The following PIK3R6 variants were observed in gnomAD, a reference collection of about 807,000 sequenced individuals.
The protein encoded by PIK3R6 is phosphoinositide-3-kinase regulatory subunit 6.
In PIK3R6, 91 loss-of-function variants were observed where a neutral mutation model predicts 84.9. The ratio of observed to expected loss-of-function variants is 1.07; its 90% CI spans 0.90 to 1.28. The LOEUF (loss-of-function observed/expected upper bound fraction) is 1.28. Ranked by LOEUF, PIK3R6 falls within the 50% of genes most tolerant of loss-of-function variation. The pLI, the probability that PIK3R6 is intolerant of heterozygous loss-of-function variation, is 0.00. For synonymous variants in PIK3R6, 416 were observed against 411.4 expected, an observed-to-expected ratio of 1.01 and a Z score of -0.13; for missense variants, 996 against 985.1, an observed-to-expected ratio of 1.01 and a Z score of -0.15.
intron 18 of PIK3R6, among the ~76,000 whole-genome samples, chr17:8,814,646 T>C (rs1378354690): frequency 2.0e-5 from 3 of 151,610 alleles, no homozygotes; most frequent in South Asian, 2.1e-4. Context: ...AGAAGGACAA[T>C]GGGAGAAAAA....
Position 8,821,852 on chromosome 17 carries a change from T to A in PIK3R6, c.1873A>T (p.Thr625Ser). 6.3e-7 allele frequency: 1 copy of A among 1,593,702 alleles called. No individual in the cohort carries two copies. ...LILKAIPASDTEVSGSSHCPL... is the reference protein window; with the variant it reads ...LILKAIPASDSEVSGSSHCPL... The stretch of plus-strand genomic sequence containing the variant: ...TGCATTCCCCATTCCTCACCTTCTG[T>A]GTCGCTGGCTGGAATGGCCTTCAGG... The change falls in exon 17 of 20, where the codon ACA (threonine) becomes TCA (serine). Residue 625 changes from threonine to serine, a missense_variant. Transcript: ENST00000619866.
At chr17:8,857,856 T>A (rs1363759457) in intron 1 of PIK3R6, among the ~76,000 whole-genome samples, 1 of 147,822 alleles carries the variant, frequency 6.8e-6, no homozygotes, top group Non-Finnish European at 1.5e-5. Context: ...GCTGCAATCG[T>A]GCCACTGCAC....
chr17:8,805,905 G>C (rs2151167301), intron 18 of PIK3R6, among the ~76,000 whole-genome samples: 1 of 151,256 alleles, frequency 6.6e-6, no homozygotes, highest in East Asian at 1.9e-4. Flanking sequence ...GCAACAGAAT[G>C]AGACTCTGTC....
At chr17:8,813,639 A>G (rs548201040) in intron 18 of PIK3R6, among the ~76,000 whole-genome samples, 1 of 152,366 alleles carries the variant, frequency 6.6e-6, no homozygotes, top group African/African-American at 2.4e-5. Context: ...CCACATAAAC[A>G]TAATTAAAAA....
At chr17:8,806,126 C>T (rs1451500781) in intron 18 of PIK3R6, among the ~76,000 whole-genome samples, 1 of 152,148 alleles carries the variant, frequency 6.6e-6, no homozygotes, top group Non-Finnish European at 1.5e-5. Context: ...TGAAGTCCTG[C>T]ATGAGCTGGG....
At chr17:8,827,978 C>T in intron 12 of PIK3R6, 134 bp downstream of exon 12, 3 of 907,042 alleles carry the variant, frequency 3.3e-6, no homozygotes, top group Non-Finnish European at 5.0e-6. Flanking sequence ...GCTGACCTCT[C>T]TCCCGCCTCC....
At chr17:8,805,428 G>A (rs530009482) in intron 18 of PIK3R6, among the ~76,000 whole-genome samples, 23 of 152,062 alleles carry the variant, frequency 1.5e-4, no homozygotes, top group African/African-American at 4.6e-4. Flanking sequence ...CCTACTGTGG[G>A]TTCTTTCTCT....
intron 13 of PIK3R6, among the ~76,000 whole-genome samples, chr17:8,826,217 C>G (rs76550831): frequency 6.6e-6 from 1 of 152,320 alleles, no homozygotes; most frequent in African/African-American, 2.4e-5. Flanking sequence ...AATGAGCTGC[C>G]CTGTGTGTAA....
rs776116403 is a variant in PIK3R6, at chr17:8,821,927, T to C, written c.1798A>G (p.Ser600Gly). The C allele has an allele frequency of 1.3e-6, 2 of 1,582,184 alleles. No homozygotes were observed. Among genetic ancestry groups the C allele is most frequent in the Non-Finnish European group, 1.7e-6 (2 of 1,163,712 alleles). Reference protein sequence around the residue: ...LSLCYQKALLSHRPREVTVSL... With the variant: ...LSLCYQKALLGHRPREVTVSL... ...ACGGTGACCTCTCGGGGCCGGTGGCTAAGCAAGGCCTGAGGAGGGGGATCG... is the reference window on the plus strand; with the variant it reads ...ACGGTGACCTCTCGGGGCCGGTGGCCAAGCAAGGCCTGAGGAGGGGGATCG... Residue 600 changes from serine (S) to glycine (G), a missense_variant, in exon 17 of 20, where the codon AGC (serine) becomes GGC (glycine). Transcript: ENST00000619866.
intron 17 of PIK3R6, among the ~76,000 whole-genome samples, chr17:8,820,407 C>T (rs960766641): frequency 2.0e-5 from 3 of 147,534 alleles, no homozygotes; most frequent in Admixed American, 2.0e-4. Flanking sequence ...TACTTATTAT[C>T]TCCATTTTAG....
At chr17:8,843,912 G>A (rs1372209181) in intron 2 of PIK3R6, among the ~76,000 whole-genome samples, 4 of 152,236 alleles carry the variant, frequency 2.6e-5, no homozygotes, top group South Asian at 2.1e-4. Flanking sequence ...CTGGCAAGTT[G>A]ATTGAGCCAA....
chr17:8,848,313 G>A (rs1487184474), intron 2 of PIK3R6, among the ~76,000 whole-genome samples: 1 of 152,062 alleles, frequency 6.6e-6, no homozygotes, highest in Non-Finnish European at 1.5e-5. Context: ...AGACAGCATG[G>A]CATGTATTTA....
intron 18 of PIK3R6, among the ~76,000 whole-genome samples, chr17:8,808,016 C>T (rs1257423758): frequency 6.6e-5 from 10 of 151,930 alleles, no homozygotes; most frequent in Admixed American, 6.6e-4. Flanking sequence ...AGTTGGCCAA[C>T]CAAGCTGGAC....
At chr17:8,855,727 G>A (rs979338123) in intron 1 of PIK3R6, among the ~76,000 whole-genome samples, 1 of 152,220 alleles carries the variant, frequency 6.6e-6, no homozygotes, top group Non-Finnish European at 1.5e-5. Context: ...ATTCTCATAC[G>A]TTACTGGTGA....
chr17:8,834,293 C>A (rs1039347140), intron 8 of PIK3R6, among the ~76,000 whole-genome samples: 2 of 151,538 alleles, frequency 1.3e-5, no homozygotes, highest in African/African-American at 4.9e-5. Context: ...AATGAGGAGG[C>A]TTGTTTAGCT....
intron 1 of PIK3R6, among the ~76,000 whole-genome samples, chr17:8,851,034 C>G (rs1221702357): frequency 6.6e-6 from 1 of 151,988 alleles, no homozygotes; most frequent in African/African-American, 2.4e-5. Flanking sequence ...GTTATTTAAT[C>G]TGCTCCAAAG....
Position 8,858,036 on chromosome 17 carries a change from T to C in PIK3R6, c.-91-8151A>G, listed in dbSNP as rs187938486. On this transcript the variant is annotated intron_variant, in intron 1 of 19. Coordinates refer to ENST00000619866, the MANE Select transcript of PIK3R6 (RefSeq NM_001010855.4). ...ATCAAACATTTATTCAGCGTTTCTA[T>C]ATATTTGTGCAGGTGCTGCTTCCTT... 1.8e-4 allele frequency among the ~76,000 whole-genome samples: 28 copies of C among 152,366 alleles called. No homozygotes were observed. The East Asian group carries it at 5.4e-3, about 29-fold the overall frequency.
intron 2 of PIK3R6, among the ~76,000 whole-genome samples, chr17:8,848,189 G>A (rs1003440225): frequency 1.3e-5 from 2 of 152,104 alleles, no homozygotes; most frequent in Admixed American, 1.3e-4. Flanking sequence ...CTGGTGTCTG[G>A]TGCTTCAGCT....
intron 18 of PIK3R6, among the ~76,000 whole-genome samples, chr17:8,811,311 T>C (rs1279222565): frequency 6.7e-6 from 1 of 148,432 alleles, no homozygotes; most frequent in South Asian, 2.3e-4. Context: ...AACCATTTTT[T>C]CCTCCTAGGT....
Sources: gnomAD v4.1 joint callset for allele counts (sites outside exome capture counted in the v4.1 genomes callset) on GRCh38, gnomAD v4.1.1 for gene constraint, MANE v1.5 for transcripts, NCBI Gene and HGNC (gene_info 2026-07-23, HGNC 2026-07-21) for gene names.